AGBL4: variants seen among roughly 807,000 people sequenced by gnomAD.
AGBL4 encodes AGBL carboxypeptidase 4.
Under a neutral mutation model 66.4 loss-of-function variants are expected in AGBL4, and 58 were observed. The observed-to-expected ratio is 0.87, with a 90% CI of 0.71 to 1.09. The LOEUF is 1.09. AGBL4 is among the 50% of genes least tolerant of loss of function. AGBL4 has a pLI of 0.00. For synonymous variants in AGBL4, 234 were observed against 222.9 expected, an observed-to-expected ratio of 1.05 and a Z score of -0.44; for missense variants, 579 against 631.0, an observed-to-expected ratio of 0.92 and a Z score of 0.88.
chr1:49,254,543 T>A (rs1369297697), intron 3 of AGBL4, among the ~76,000 whole-genome samples: 5 of 152,220 alleles, frequency 3.3e-5, no homozygotes, highest in African/African-American at 1.2e-4. Flanking sequence ...AAACATTCCA[T>A]GTTCATGGAT....
intron 3 of AGBL4, among the ~76,000 whole-genome samples, chr1:49,354,963 G>C (rs1230639913): frequency 6.6e-6 from 1 of 152,134 alleles, no homozygotes; most frequent in African/African-American, 2.4e-5. Context: ...TTCCACTGCA[G>C]GGCACACATA....
chr1:49,474,804 T>C (rs1319100988), intron 3 of AGBL4, among the ~76,000 whole-genome samples: 1 of 152,068 alleles, frequency 6.6e-6, no homozygotes, highest in Non-Finnish European at 1.5e-5. Flanking sequence ...TGGAAAGACT[T>C]TCCAGGTATT....
chr1:49,556,885 G>C (rs966760328), intron 3 of AGBL4, among the ~76,000 whole-genome samples: 1 of 152,124 alleles, frequency 6.6e-6, no homozygotes, highest in African/African-American at 2.4e-5. Context: ...ATTCAAGCGC[G>C]GCGCGGGTGG....
At chr1:48,597,289 T>A (rs1645007907) in intron 9 of AGBL4, among the ~76,000 whole-genome samples, 1 of 152,230 alleles carries the variant, frequency 6.6e-6, no homozygotes, top group Non-Finnish European at 1.5e-5. Flanking sequence ...ATGTTCCTGG[T>A]GCTATCATAG....
chr1:49,024,682 G>A (rs1029840682), intron 5 of AGBL4, among the ~76,000 whole-genome samples: 76 of 152,234 alleles, frequency 5.0e-4, no homozygotes, highest in African/African-American at 1.8e-3. Flanking sequence ...AATGTTAGCT[G>A]GTTTAATTTT....
At position 49,403,502 on chromosome 1, in the gene AGBL4, C is replaced by G. The variant is rs374052891; in HGVS notation, c.283-157638G>C. Among the ~76,000 whole-genome samples the G allele has an allele frequency of 1.4e-3, 209 of 152,136 alleles. 1 individual carries two copies. The highest frequency in any genetic ancestry group is 4.7e-3 in the African/African-American group (196 of 41,504). On this transcript the variant is annotated intron_variant, in intron 3 of 13. Coordinates refer to ENST00000371839, the MANE Select transcript of AGBL4 (RefSeq NM_032785.4). ...GAATTCTAAATTCCTTCTCTGTTAT[C>G]TTGGATTTCTTTTAGTTTCCTCAAA...
chr1:49,025,080 A>C (rs1258060483), intron 5 of AGBL4, among the ~76,000 whole-genome samples: 1 of 152,178 alleles, frequency 6.6e-6, no homozygotes, highest in Non-Finnish European at 1.5e-5. Context: ...TGGCAGAGTT[A>C]AGGTTCTAAC....
intron 1 of AGBL4, among the ~76,000 whole-genome samples, chr1:49,935,282 G>C (rs1467118485): frequency 6.6e-6 from 1 of 152,264 alleles, no homozygotes; most frequent in East Asian, 1.9e-4. Flanking sequence ...GGCTGGGGGA[G>C]GGGCGCCCGC....
chr1:48,698,309 C>G (rs1323520732), intron 6 of AGBL4, among the ~76,000 whole-genome samples: 1 of 152,188 alleles, frequency 6.6e-6, no homozygotes, highest in African/African-American at 2.4e-5. Flanking sequence ...GGTGATAAAC[C>G]AGAGCATGGG....
chr1:49,739,761 G>A (rs560198742), intron 2 of AGBL4, among the ~76,000 whole-genome samples: 1 of 152,172 alleles, frequency 6.6e-6, no homozygotes, highest in Admixed American at 6.5e-5. Flanking sequence ...CATTCTTAAA[G>A]AAAAGAATTT....
At chr1:49,949,052 C>A (rs779255409) in intron 1 of AGBL4, among the ~76,000 whole-genome samples, 6 of 151,268 alleles carry the variant, frequency 4.0e-5, no homozygotes, top group Admixed American at 6.6e-5. Flanking sequence ...CAAATACTTA[C>A]AGGATCTTTG....
At position 48,622,475 on chromosome 1, in the gene AGBL4, A is replaced by ATT. The variant is rs35455455; in HGVS notation, c.951+12016_951+12017dup. Among the ~76,000 whole-genome samples the ATT allele has an allele frequency of 4.2e-3, 301 of 71,826 alleles. 2 individuals carry two copies. Among genetic ancestry groups the ATT allele is most frequent in the African/African-American group, 0.013 (258 of 19,308 alleles). The allele number at this position is 71,826 out of a possible 152,430, so 47.1% of individuals were successfully genotyped here. A position where few individuals can be genotyped will look rare whatever the true frequency, so the allele number is the denominator to read the frequency against. ...CTCAAGGAATCTTTTATTCAAATACATTTTTTTTTTTTTTTTTTTTTTTTT... is the reference window on the plus strand; with the variant it reads ...CTCAAGGAATCTTTTATTCAAATACATTTTTTTTTTTTTTTTTTTTTTTTTTT... On this transcript the variant is annotated intron_variant, in intron 9 of 13. Transcript: ENST00000371839.
At position 49,973,287 on chromosome 1, in the gene AGBL4, T is replaced by C. The variant is rs551969700; in HGVS notation, c.34+50476A>G. 2.5e-4 allele frequency among the ~76,000 whole-genome samples: 38 copies of C among 152,250 alleles called. No individual in the cohort carries two copies. In the South Asian group the frequency reaches 7.7e-3, roughly 31 times the overall value. On this transcript the variant is annotated intron_variant, in intron 1 of 13. Coordinates refer to ENST00000371839, the MANE Select transcript of AGBL4 (RefSeq NM_032785.4). ...TGTAACAGGTCAGCTAATAAACTGA[T>C]CATAATTCCAATCATTTAGAGCTGT...
intron 4 of AGBL4, among the ~76,000 whole-genome samples, chr1:49,226,454 G>A (rs1352279352): frequency 2.6e-5 from 4 of 152,132 alleles, no homozygotes; most frequent in African/African-American, 9.7e-5. Flanking sequence ...GAGGTGGTTT[G>A]AACCATCACC....
chr1:48,904,916 C>T (rs1357082904), intron 5 of AGBL4, among the ~76,000 whole-genome samples: 3 of 34,464 alleles, frequency 8.7e-5, no homozygotes, highest in Non-Finnish European at 3.0e-4. Flanking sequence ...TGTCATAAGG[C>T]GAGACGCTGT....
At chr1:48,531,175 C>A (rs1189358930), downstream of AGBL4, among the ~76,000 whole-genome samples, 1 of 151,976 alleles carries the variant, frequency 6.6e-6, no homozygotes, top group Admixed American at 6.6e-5. Flanking sequence ...AACACACCCT[C>A]CTACAGGCTG....
chr1:49,479,316 T>C (rs1046213560), intron 3 of AGBL4, among the ~76,000 whole-genome samples: 2 of 151,976 alleles, frequency 1.3e-5, no homozygotes, highest in Non-Finnish European at 2.9e-5. Flanking sequence ...TTATTTTAAG[T>C]TCAGGGGTAC....
At chr1:49,102,604 A>C (rs1333984414) in intron 4 of AGBL4, among the ~76,000 whole-genome samples, 1 of 152,174 alleles carries the variant, frequency 6.6e-6, no homozygotes, top group African/African-American at 2.4e-5. Context: ...CTCTAATGTG[A>C]GTATAGTTAT....
chr1:49,571,991 G>A (rs1644340595), intron 3 of AGBL4, among the ~76,000 whole-genome samples: 1 of 151,976 alleles, frequency 6.6e-6, no homozygotes, highest in African/African-American at 2.4e-5. Context: ...GAGAATTTTT[G>A]TGTCTATGTT....
Sources: allele counts gnomAD v4.1 joint callset (sites outside exome capture counted in the v4.1 genomes callset), GRCh38; gene constraint gnomAD v4.1.1; transcripts MANE v1.5; gene names NCBI Gene and HGNC (gene_info 2026-07-23, HGNC 2026-07-21).